Variants in AKAP6 observed in about 807,000 individuals in gnomAD.
AKAP6 encodes the protein A-kinase anchor protein 6.
In AKAP6, 58 loss-of-function variants were observed where a neutral mutation model predicts 188.5. That is an observed-to-expected ratio of 0.31 (90% CI 0.25 to 0.38). The LOEUF is 0.38. AKAP6 is among the 10% of genes least tolerant of loss of function. AKAP6 has a pLI of 1.00. For synonymous variants in AKAP6, 989 were observed against 998.6 expected (o/e 0.99, Z 0.18); for missense variants, 2,710 against 2,740.0 (o/e 0.99, Z 0.24).
intron 1 of AKAP6, among the ~76,000 whole-genome samples, chr14:32,351,345 C>T (rs1887260370): frequency 6.6e-6 from 1 of 151,982 alleles, no homozygotes; most frequent in Non-Finnish European, 1.5e-5. Context: ...GGTGGATCAC[C>T]CGAGGTCGGG....
chr14:32,505,949 T>C (rs138555462), intron 2 of AKAP6, among the ~76,000 whole-genome samples: 51 of 152,234 alleles, frequency 3.4e-4, no homozygotes, highest in East Asian at 1.7e-3. Flanking sequence ...GTTGGGTAAG[T>C]AAGCAGGGTT....
intron 12 of AKAP6, among the ~76,000 whole-genome samples, chr14:32,801,267 T>C (rs1304966079): frequency 5.3e-5 from 8 of 152,226 alleles, no homozygotes; most frequent in Admixed American, 5.2e-4. Flanking sequence ...TTTCATTTCA[T>C]TTTGTTTCCT....
chr14:32,640,145 C>T (rs1258343909), intron 7 of AKAP6, among the ~76,000 whole-genome samples: 2 of 151,822 alleles, frequency 1.3e-5, no homozygotes, highest in Non-Finnish European at 2.9e-5. Flanking sequence ...GATAGCACAC[C>T]TCTTCTTCAC....
chr14:32,670,219 C>G (rs1317058639), intron 7 of AKAP6, among the ~76,000 whole-genome samples: 1 of 151,878 alleles, frequency 6.6e-6, no homozygotes, highest in Non-Finnish European at 1.5e-5. Context: ...GGTAAATGCC[C>G]CCAGGATTAA....
At chr14:32,516,608 G>A (rs1216557179) in intron 2 of AKAP6, among the ~76,000 whole-genome samples, 4 of 152,130 alleles carry the variant, frequency 2.6e-5, no homozygotes, top group African/African-American at 7.2e-5. Flanking sequence ...GAAATAAAAC[G>A]AAAAGTAAGT....
intron 1 of AKAP6, among the ~76,000 whole-genome samples, chr14:32,365,320 G>A (rs1887795956): frequency 6.6e-6 from 1 of 152,144 alleles, no homozygotes; most frequent in African/African-American, 2.4e-5. Context: ...CTGTAGCCTA[G>A]AATGCATTTC....
intron 13 of AKAP6, among the ~76,000 whole-genome samples, chr14:32,825,472 G>A (rs985395122): frequency 6.6e-6 from 1 of 152,202 alleles, no homozygotes; most frequent in African/African-American, 2.4e-5. Flanking sequence ...GAGAATACAT[G>A]ACAAGTTAAT....
intron 12 of AKAP6, among the ~76,000 whole-genome samples, chr14:32,791,953 G>A (rs2033622573): frequency 6.6e-6 from 1 of 152,030 alleles, no homozygotes; most frequent in Non-Finnish European, 1.5e-5. Context: ...TTATTTCTGA[G>A]GCCTCTGTTC....
chr14:32,755,435 G>A (rs1385775662), intron 11 of AKAP6, among the ~76,000 whole-genome samples: 3 of 151,406 alleles, frequency 2.0e-5, no homozygotes, highest in Non-Finnish European at 4.4e-5. Flanking sequence ...TTTTATTGTT[G>A]TTTGTTAGTT....
chr14:32,821,394 TCA>T lies in AKAP6; in HGVS notation c.3589-3_3589-2del. 1 of 1,567,260 alleles carries T rather than the reference TCA, an allele frequency of 6.4e-7. No individual in the cohort carries two copies. The highest frequency in any genetic ancestry group is 1.2e-5 in the South Asian group (1 of 83,622). Reference sequence around the variant, plus strand: ...TCTTCTCCTTTTCTTTTTCTTTCTCTCACACAGGAGACTTTGAATGTGATTGA... The same window carrying T: ...TCTTCTCCTTTTCTTTTTCTTTCTCTCACAGGAGACTTTGAATGTGATTGA... On this transcript the variant is annotated splice_polypyrimidine_tract_variant and splice_region_variant and intron_variant, in intron 12 of 13. Transcript: ENST00000280979.
At chr14:32,524,630 G>A (rs1882028564) in intron 2 of AKAP6, among the ~76,000 whole-genome samples, 1 of 151,978 alleles carries the variant, frequency 6.6e-6, no homozygotes, top group Non-Finnish European at 1.5e-5. Context: ...ATCAGTACTG[G>A]GTAAATAAAG....
chr14:32,409,588 G>A (rs1889414001), intron 1 of AKAP6, among the ~76,000 whole-genome samples: 2 of 152,096 alleles, frequency 1.3e-5, no homozygotes, highest in African/African-American at 4.8e-5. Flanking sequence ...GTTGACAGAT[G>A]GCTTCTGAGG....
intron 9 of AKAP6, among the ~76,000 whole-genome samples, chr14:32,717,234 C>T (rs1180554931): frequency 6.6e-6 from 1 of 152,118 alleles, no homozygotes; most frequent in Non-Finnish European, 1.5e-5. Context: ...ATAAGCTGTG[C>T]TAAATGGCCA....
Position 32,696,013 on chromosome 14 carries a change from A to G in AKAP6, c.2903A>G (p.Tyr968Cys). The change falls in exon 9 of 14, where the codon TAT becomes TGT. Residue 968 changes from tyrosine to cysteine, a missense_variant. Physicochemically the swap from Tyr to Cys is radical, Grantham distance 194. Coordinates refer to ENST00000280979, the MANE Select transcript of AKAP6 (RefSeq NM_004274.5). ...SNGLLDFDSEYQELWDWLIDM... is the reference protein window; with the variant it reads ...SNGLLDFDSECQELWDWLIDM... ...AGGCTTCTGGACTTTGATTCAGAAT[A>G]TCAGGAGCTCTGGGATTGGCTGATT... 1 of 1,613,416 alleles carries G rather than the reference A, an allele frequency of 6.2e-7. No individual in the cohort carries two copies.
chr14:32,598,079 C>G (rs946587226), intron 5 of AKAP6, among the ~76,000 whole-genome samples: 15 of 152,240 alleles, frequency 9.9e-5, no homozygotes, highest in East Asian at 3.9e-4. Flanking sequence ...AGAATGGGCA[C>G]AGTACATAGT....
chr14:32,820,441 G>A (rs1211468241), intron 12 of AKAP6, among the ~76,000 whole-genome samples: 1 of 152,062 alleles, frequency 6.6e-6, no homozygotes, highest in African/African-American at 2.4e-5. Flanking sequence ...GAGCCAAGAA[G>A]TCCAAGGAAA....
chr14:32,644,610 A>C (rs909491595), intron 7 of AKAP6, among the ~76,000 whole-genome samples: 6 of 152,156 alleles, frequency 3.9e-5, no homozygotes, highest in Admixed American at 3.3e-4. Context: ...CAAAGTCTGT[A>C]TAACAAGGCC....
chr14:32,682,995 C>CTTTTTTTTTTTTTTTTTTG (rs71115090), intron 8 of AKAP6, among the ~76,000 whole-genome samples: 3 of 142,340 alleles, frequency 2.1e-5, no homozygotes, highest in African/African-American at 7.9e-5. Flanking sequence ...TTTTTTCTTC[C>CTTTTTTTTTTTTTTTTTTG]TTTTTTTTTT....
intron 12 of AKAP6, among the ~76,000 whole-genome samples, chr14:32,783,528 C>T (rs1339958667): frequency 1.3e-5 from 2 of 151,912 alleles, no homozygotes; most frequent in Non-Finnish European, 2.9e-5. Flanking sequence ...ATTTTAATTA[C>T]AAAGGAGTTG....
Sources: allele counts gnomAD v4.1 joint callset (sites outside exome capture counted in the v4.1 genomes callset), GRCh38; gene constraint gnomAD v4.1.1; transcripts MANE v1.5; gene names NCBI Gene and HGNC (gene_info 2026-07-23, HGNC 2026-07-21).